Variants in COMMD9 observed in about 807,000 individuals in gnomAD.
COMMD9 encodes COMM domain containing 9, also known as COMM domain-containing protein 9.
A neutral mutation model predicts 23.4 loss-of-function variants in COMMD9; 22 were observed. The ratio of observed to expected loss-of-function variants is 0.94; its 90% CI spans 0.67 to 1.34. The LOEUF (loss-of-function observed/expected upper bound fraction) is 1.34. COMMD9 is among the 40% of genes most tolerant of loss of function. COMMD9 has a pLI of 0.00. For missense variants in COMMD9, 231 were observed against 240.2 expected (o/e 0.96, Z 0.25); for synonymous variants, 99 against 97.4 (o/e 1.02, Z -0.10).
chr11:36,280,359 C>T (rs1466135448), intron 2 of COMMD9, among the ~76,000 whole-genome samples: 1 of 152,148 alleles, frequency 6.6e-6, no homozygotes, highest in Non-Finnish European at 1.5e-5. Flanking sequence ...TCTAGCAGTG[C>T]CTACTCCTGA....
intron 2 of COMMD9, 92 bp downstream of exon 2, chr11:36,280,620 G>C: frequency 7.7e-7 from 1 of 1,306,220 alleles, no homozygotes; most frequent in African/African-American, 1.5e-5. Flanking sequence ...GATGTTTCAA[G>C]GGATTTTCCT....
At position 36,280,838 on chromosome 11, in the gene COMMD9, C is replaced by A; in HGVS notation, c.52-1G>T. ...GTCTGACAACATCTTTCGAGGAGGC[C>A]TATGAATTAAATCACAGATAGGAAA... On this transcript the variant is annotated splice_acceptor_variant, in intron 1 of 5. Transcript: ENST00000263401. LOFTEE classifies it high-confidence loss of function. 6.4e-7 allele frequency: 1 copy of A among 1,557,096 alleles called. No homozygotes were observed. The highest frequency in any genetic ancestry group is 8.7e-7 in the Non-Finnish European group (1 of 1,151,900).
intron 1 of COMMD9, among the ~76,000 whole-genome samples, chr11:36,286,410 A>AAAAAAG (rs1285648187): frequency 0.023 from 2,443 of 104,336 alleles, 20 homozygotes; most frequent in Non-Finnish European, 0.028. Flanking sequence ...AAAAAAAAAA[A>AAAAAAG]AAAGAAAGAA....
intron 4 of COMMD9, 137 bp from the exon 5 acceptor site, chr11:36,276,377 A>T: frequency 1.6e-6 from 1 of 630,370 alleles, no homozygotes; most frequent in Non-Finnish European, 2.8e-6. Flanking sequence ...AGACAGATAA[A>T]CAAAGCCCGA....
chr11:36,287,687 G>A (rs974077116), intron 1 of COMMD9, among the ~76,000 whole-genome samples: 3 of 151,852 alleles, frequency 2.0e-5, no homozygotes, highest in Non-Finnish European at 2.9e-5. Flanking sequence ...ATAATGGTGA[G>A]CAAAAGAAGC....
At chr11:36,277,353 AAAG>A (rs1855991023) in intron 3 of COMMD9, among the ~76,000 whole-genome samples, 1 of 152,252 alleles carries the variant, frequency 6.6e-6, no homozygotes. Flanking sequence ...TCAGGACAAA[AAAG>A]AAGAAAATAC....
Position 36,274,514 on chromosome 11 carries a change from G to A in COMMD9, c.*118C>T. 1.5e-6 allele frequency: 2 copies of A among 1,314,494 alleles called. No individual in the cohort carries two copies. Among genetic ancestry groups the A allele is most frequent in the Middle Eastern group, 2.3e-4 (1 of 4,432 alleles). 81.4% of individuals were successfully genotyped at this position (1,314,494 alleles called of 1,614,324 possible). A position where few individuals can be genotyped will look rare whatever the true frequency, so the allele number is the denominator to read the frequency against. On this transcript the variant is annotated 3_prime_UTR_variant, in exon 6 of 6. Transcript: ENST00000263401. ...AACTTCTGGATGGCAGTAGCCCCCTGCTGTCCCCACCATCCTGCCTGTTGT... is the reference window on the plus strand; with the variant it reads ...AACTTCTGGATGGCAGTAGCCCCCTACTGTCCCCACCATCCTGCCTGTTGT...
intron 1 of COMMD9, among the ~76,000 whole-genome samples, chr11:36,285,511 T>C (rs1353510206): frequency 7.9e-5 from 12 of 152,122 alleles, no homozygotes. Context: ...TTTATATAGC[T>C]ACAAAGCTAG....
At chr11:36,283,771 T>C (rs548854939) in intron 1 of COMMD9, among the ~76,000 whole-genome samples, 2 of 152,146 alleles carry the variant, frequency 1.3e-5, no homozygotes, top group South Asian at 2.1e-4. Flanking sequence ...AAGACAAAAA[T>C]TGGCAGAGTG....
chr11:36,289,326 G>A (rs1856227597), intron 1 of COMMD9, 36 bp downstream of exon 1: 1 of 1,544,592 alleles, frequency 6.5e-7, no homozygotes, highest in Non-Finnish European at 8.8e-7. Flanking sequence ...CGGAGACAAA[G>A]GGCCACCTCA....
intron 1 of COMMD9, among the ~76,000 whole-genome samples, chr11:36,283,364 TATA>T (rs1856098038): frequency 6.6e-6 from 1 of 152,322 alleles, no homozygotes; most frequent in African/African-American, 2.4e-5. Flanking sequence ...AAGCAAAAAA[TATA>T]ATATATCTGA....
rs1167038505 is a variant in COMMD9 at position 36,274,462 on chromosome 11, C to A, written c.*170G>T. Reference sequence around the variant, plus strand: ...AAGATGAGTGAGAACAGCGGGGGATCTGGCTGCTTCTTCCCAATCCAACTG... The same window carrying A: ...AAGATGAGTGAGAACAGCGGGGGATATGGCTGCTTCTTCCCAATCCAACTG... On this transcript the variant is annotated 3_prime_UTR_variant, in exon 6 of 6. Coordinates refer to ENST00000263401, the MANE Select transcript of COMMD9 (RefSeq NM_014186.4). 1 of 830,450 alleles carries A rather than the reference C, an allele frequency of 1.2e-6. No individual in the cohort carries two copies. Among genetic ancestry groups the A allele is most frequent in the Non-Finnish European group, 2.1e-6 (1 of 487,230 alleles). The allele number at this position is 830,450 out of a possible 1,614,324, so 51.4% of individuals were successfully genotyped here. A position where few individuals can be genotyped will look rare whatever the true frequency, so the allele number is the denominator to read the frequency against.
At chr11:36,288,890 A>C (rs1312429431) in intron 1 of COMMD9, among the ~76,000 whole-genome samples, 1 of 152,212 alleles carries the variant, frequency 6.6e-6, no homozygotes, top group Non-Finnish European at 1.5e-5. Context: ...TATCAGGAGT[A>C]TGTCCTGCCC....
intron 3 of COMMD9, among the ~76,000 whole-genome samples, chr11:36,277,912 G>A (rs923154619): frequency 6.6e-6 from 1 of 152,120 alleles, no homozygotes; most frequent in Non-Finnish European, 1.5e-5. Context: ...GAAAAATACT[G>A]CAATATTTCT....
At chr11:36,275,930 T>C (rs1416204011) in intron 5 of COMMD9, among the ~76,000 whole-genome samples, 1 of 152,226 alleles carries the variant, frequency 6.6e-6, no homozygotes, top group Non-Finnish European at 1.5e-5. Context: ...TTTAAAAATA[T>C]GTTTTGTATT....
chr11:36,286,429 A>G lies in COMMD9; in HGVS notation c.51+2933T>C, dbSNP rs1367895452. On this transcript the variant is annotated intron_variant, in intron 1 of 5. Coordinates refer to ENST00000263401, the MANE Select transcript of COMMD9 (RefSeq NM_014186.4). ...AAAAAAAAAAGAAAGAAAGAAAGAAAGAAAGAAAAGAAAAAAAAAATCAGC... is the reference window on the plus strand; with the variant it reads ...AAAAAAAAAAGAAAGAAAGAAAGAAGGAAAGAAAAGAAAAAAAAAATCAGC... Among the ~76,000 whole-genome samples the G allele has an allele frequency of 2.8e-3, 290 of 102,276 alleles. 1 individual carries two copies. The Middle Eastern group carries it at 0.043, about 15-fold the overall frequency. The allele number at this position is 102,276 out of a possible 152,430, so 67.1% of individuals were successfully genotyped here.
At chr11:36,274,818 C>T (rs1855943935) in intron 5 of COMMD9, 46 bp from the exon 6 acceptor site, 1 of 1,609,694 alleles carries the variant, frequency 6.2e-7, no homozygotes, top group South Asian at 1.1e-5. Context: ...CCTCTTTTCC[C>T]ATATCCCTGT....
intron 1 of COMMD9, among the ~76,000 whole-genome samples, chr11:36,286,404 AAAAAAAAAAGAAAGAAAGAAAG>A (rs1466174562): frequency 2.1e-5 from 2 of 95,732 alleles, no homozygotes; most frequent in Non-Finnish European, 4.1e-5. Context: ...ACAAAAAAAA[AAAAAAAAAAGAAAGAAAGAAAG>A]AAAGAAAGAA....
Position 36,272,440 on chromosome 11 carries a change from G to A in COMMD9, c.*2192C>T, listed in dbSNP as rs1855892948. 6.6e-6 allele frequency: 1 copy of A among 152,340 alleles called. No individual in the cohort carries two copies. The highest frequency in any genetic ancestry group is 2.1e-4 in the South Asian group (1 of 4,836). 9.4% of individuals were successfully genotyped at this position (152,340 alleles called of 1,614,324 possible). On this transcript the variant is annotated 3_prime_UTR_variant, in exon 6 of 6. Coordinates refer to ENST00000263401, the MANE Select transcript of COMMD9 (RefSeq NM_014186.4). ...ATACTGGGCTTCTTGCTTCAAGTAA[G>A]TTTCTTATGGATGCCCATGGGAGGC... is the stretch of plus-strand genomic sequence containing the variant.
Sources: allele counts gnomAD v4.1 joint callset (sites outside exome capture counted in the v4.1 genomes callset), GRCh38; gene constraint gnomAD v4.1.1; transcripts MANE v1.5; gene names NCBI Gene and HGNC (gene_info 2026-07-23, HGNC 2026-07-21).